Variants in STK32B observed in about 807,000 individuals in gnomAD.
The protein encoded by STK32B is serine/threonine-protein kinase 32B.
In STK32B, 43 loss-of-function variants were observed where a neutral mutation model predicts 52.6. The ratio of observed to expected loss-of-function variants is 0.82; its 90% CI spans 0.64 to 1.05. The LOEUF (loss-of-function observed/expected upper bound fraction) is 1.05. Ranked by LOEUF, STK32B falls within the 50% of genes least tolerant of loss-of-function variation. The pLI is 0.00. For synonymous variants in STK32B, 238 were observed against 204.3 expected, an observed-to-expected ratio of 1.17 and a Z score of -1.41; for missense variants, 621 against 534.6, an observed-to-expected ratio of 1.16 and a Z score of -1.59.
chr4:5,374,776 GGGC>G (rs367989370), intron 4 of STK32B, among the ~76,000 whole-genome samples: 1,651 of 149,722 alleles, frequency 0.011, 21 homozygotes, highest in South Asian at 0.055. Context: ...ATATTGACGG[GGGC>G]GGGGGGGGAA....
chr4:5,316,338 AATATATTATATC>A (rs1441551178), intron 3 of STK32B, among the ~76,000 whole-genome samples: 1 of 56,846 alleles, frequency 1.8e-5, no homozygotes, highest in Non-Finnish European at 2.6e-5. Context: ...TATACAATAT[AATATATTATATC>A]ATATATTATA....
chr4:5,253,696 G>A (rs1259971223), intron 3 of STK32B, among the ~76,000 whole-genome samples: 2 of 152,088 alleles, frequency 1.3e-5, no homozygotes, highest in East Asian at 1.9e-4. Flanking sequence ...AGTTTTGCAA[G>A]AAGGAAAAGG....
chr4:5,186,312 G>T (rs1422027139), intron 3 of STK32B, among the ~76,000 whole-genome samples: 1 of 152,160 alleles, frequency 6.6e-6, no homozygotes, highest in Non-Finnish European at 1.5e-5. Flanking sequence ...GTGAGCAGTG[G>T]GCCGCTTGAG....
intron 3 of STK32B, among the ~76,000 whole-genome samples, chr4:5,299,949 A>G (rs67709557): frequency 6.6e-6 from 1 of 152,140 alleles, no homozygotes; most frequent in East Asian, 1.9e-4. Context: ...TGAAACTAGT[A>G]TCATTCTGAT....
the STK32B span, among the ~76,000 whole-genome samples, chr4:5,036,607 C>T: frequency 6.6e-6 from 1 of 151,152 alleles, no homozygotes; most frequent in Non-Finnish European, 1.5e-5. Flanking sequence ...GTCCAAAATT[C>T]CACTTGAAAC....
At chr4:5,361,819 A>G (rs1030242371) in intron 4 of STK32B, among the ~76,000 whole-genome samples, 3 of 152,230 alleles carry the variant, frequency 2.0e-5, no homozygotes, top group African/African-American at 7.2e-5. Context: ...CATAGCGGGT[A>G]TTCTAGGAGG....
At chr4:5,279,464 A>G (rs1048162165) in intron 3 of STK32B, among the ~76,000 whole-genome samples, 6 of 152,186 alleles carry the variant, frequency 3.9e-5, no homozygotes, top group Non-Finnish European at 8.8e-5. Flanking sequence ...CTCTGTGGCT[A>G]TGGAGGGTAC....
intron 4 of STK32B, among the ~76,000 whole-genome samples, chr4:5,334,351 T>A (rs1457147464): frequency 3.3e-5 from 5 of 152,146 alleles, no homozygotes; most frequent in African/African-American, 1.2e-4. Flanking sequence ...TTGCTGAAGT[T>A]GCTTATCAGC....
At chr4:5,255,073 G>T (rs1214439921) in intron 3 of STK32B, among the ~76,000 whole-genome samples, 1 of 151,908 alleles carries the variant, frequency 6.6e-6, no homozygotes, top group Non-Finnish European at 1.5e-5. Flanking sequence ...TCACAGCCCA[G>T]TAGGGCAGAC....
chr4:5,240,500 C>T (rs1403450342), intron 3 of STK32B, among the ~76,000 whole-genome samples: 2 of 152,132 alleles, frequency 1.3e-5, no homozygotes, highest in Non-Finnish European at 2.9e-5. Context: ...CACTCTGTCA[C>T]CCAGGATGGA....
chr4:5,413,371 C>G (rs195109), intron 5 of STK32B, among the ~76,000 whole-genome samples: 91,560 of 151,946 alleles, frequency 0.6, 28,146 homozygotes, highest in Middle Eastern at 0.74. Context: ...TTCAGGCAGG[C>G]TTTGATCAGG....
chr4:5,463,178 C>T (rs1304605261), intron 9 of STK32B, among the ~76,000 whole-genome samples: 4 of 152,262 alleles, frequency 2.6e-5, no homozygotes, highest in Non-Finnish European at 5.9e-5. Context: ...AATATGCCCG[C>T]CTTCTTCACA....
intron 4 of STK32B, among the ~76,000 whole-genome samples, chr4:5,343,088 T>G: frequency 6.7e-6 from 1 of 149,456 alleles, no homozygotes; most frequent in African/African-American, 2.5e-5. Context: ...CTCCTAATGC[T>G]ATCCCTCCCC....
At chr4:5,472,711 C>T (rs1401280620) in intron 11 of STK32B, among the ~76,000 whole-genome samples, 1 of 152,202 alleles carries the variant, frequency 6.6e-6, no homozygotes, top group Non-Finnish European at 1.5e-5. Flanking sequence ...CATATAAAAG[C>T]TACCCCTGGA....
the STK32B span, among the ~76,000 whole-genome samples, chr4:5,033,430 C>A: frequency 1.3e-4 from 20 of 152,288 alleles, no homozygotes; most frequent in Admixed American, 2.6e-4. Flanking sequence ...CAGGAAGCCC[C>A]GTAGCCAACA....
intron 2 of STK32B, among the ~76,000 whole-genome samples, chr4:5,159,783 T>A (rs186738748): frequency 0.21 from 27,627 of 130,540 alleles, 4,098 homozygotes; most frequent in Non-Finnish European, 0.26. Context: ...ATATGAATGT[T>A]TATGAATATA....
chr4:5,371,757 G>A (rs1386153514), intron 4 of STK32B, among the ~76,000 whole-genome samples: 1 of 152,232 alleles, frequency 6.6e-6, no homozygotes, highest in East Asian at 1.9e-4. Flanking sequence ...AATAAACAGT[G>A]CATCTGTGAA....
intron 6 of STK32B, among the ~76,000 whole-genome samples, chr4:5,419,453 C>T (rs1712444088): frequency 6.6e-6 from 1 of 152,182 alleles, no homozygotes; most frequent in African/African-American, 2.4e-5. Flanking sequence ...CCAGACTCTT[C>T]AGTCTCCTTC....
At chr4:5,432,570 C>CATGAATATGAAT (rs71169695) in intron 6 of STK32B, among the ~76,000 whole-genome samples, 1 of 151,340 alleles carries the variant, frequency 6.6e-6, no homozygotes, top group African/African-American at 2.4e-5. Flanking sequence ...AATAGGAGTT[C>CATGAATATGAAT]ATGAATATGA....
Sources: gnomAD v4.1 joint callset for allele counts (sites outside exome capture counted in the v4.1 genomes callset) on GRCh38, gnomAD v4.1.1 for gene constraint, MANE v1.5 for transcripts, NCBI Gene and HGNC (gene_info 2026-07-23, HGNC 2026-07-21) for gene names.